The following MDGA2 variants were observed in gnomAD, a reference collection of about 807,000 sequenced individuals.
MDGA2 encodes the protein MAM domain containing glycosylphosphatidylinositol anchor 2.
Under a neutral mutation model 117.8 loss-of-function variants are expected in MDGA2, and 40 were observed. The observed-to-expected ratio is 0.34, with a 90% CI of 0.26 to 0.44. The LOEUF (loss-of-function observed/expected upper bound fraction) is 0.44. Among genes scored for constraint, MDGA2 ranks in the 20% least tolerant of loss-of-function variants. The pLI is 1.00. For missense variants in MDGA2, 1,123 were observed against 1,250.6 expected (o/e 0.90, Z 1.54); for synonymous variants, 452 against 439.0 (o/e 1.03, Z -0.37).
At chr14:47,329,419 A>G (rs1173925779) in intron 1 of MDGA2, among the ~76,000 whole-genome samples, 3 of 152,020 alleles carry the variant, frequency 2.0e-5, no homozygotes, top group Non-Finnish European at 4.4e-5. Context: ...TCTAATAGGG[A>G]GGGCCCAAGT....
chr14:46,935,601 A>C (rs534067530), intron 9 of MDGA2, among the ~76,000 whole-genome samples: 5 of 152,256 alleles, frequency 3.3e-5, no homozygotes, highest in African/African-American at 1.2e-4. Flanking sequence ...GGAATCCCCA[A>C]GAGATTTCTC....
At chr14:47,328,087 T>C (rs1306458237) in intron 1 of MDGA2, among the ~76,000 whole-genome samples, 1 of 152,188 alleles carries the variant, frequency 6.6e-6, no homozygotes, top group African/African-American at 2.4e-5. Context: ...CTTCCTATGA[T>C]AATCTTAACA....
intron 9 of MDGA2, among the ~76,000 whole-genome samples, chr14:46,921,124 C>A (rs984420412): frequency 1.3e-5 from 2 of 151,972 alleles, no homozygotes; most frequent in African/African-American, 4.8e-5. Context: ...TTAATGAGAA[C>A]CTATTCAATG....
chr14:47,493,398 C>G (rs948947556), intron 1 of MDGA2, among the ~76,000 whole-genome samples: 1 of 151,562 alleles, frequency 6.6e-6, no homozygotes, highest in African/African-American at 2.4e-5. Flanking sequence ...TCACTGCAAC[C>G]TTCGCCTCCC....
intron 2 of MDGA2, among the ~76,000 whole-genome samples, chr14:47,240,745 A>C (rs1887013024): frequency 1.3e-5 from 2 of 151,956 alleles, no homozygotes; most frequent in Non-Finnish European, 2.9e-5. Flanking sequence ...TTACCCAGAA[A>C]GGAAAATGTA....
At chr14:47,626,730 G>C (rs550027053) in intron 1 of MDGA2, among the ~76,000 whole-genome samples, 9 of 152,298 alleles carry the variant, frequency 5.9e-5, no homozygotes, top group East Asian at 1.9e-4. Flanking sequence ...ATTTCTCCCC[G>C]GCCCTTAGCT....
chr14:47,475,675 G>T (rs1158353055), intron 1 of MDGA2, among the ~76,000 whole-genome samples: 1 of 152,078 alleles, frequency 6.6e-6, no homozygotes, highest in East Asian at 1.9e-4. Context: ...ATCCTTTCAG[G>T]GACATAGATG....
intron 1 of MDGA2, among the ~76,000 whole-genome samples, chr14:47,650,909 G>A (rs1422235011): frequency 6.6e-6 from 1 of 152,070 alleles, no homozygotes; most frequent in African/African-American, 2.4e-5. Context: ...CTGCCACTAT[G>A]ACTGCTGTCA....
intron 9 of MDGA2, among the ~76,000 whole-genome samples, chr14:46,928,725 T>G (rs963841842): frequency 4.6e-5 from 7 of 152,160 alleles, no homozygotes; most frequent in African/African-American, 1.7e-4. Flanking sequence ...TTGTTATCTA[T>G]CTTTTAATAC....
chr14:47,634,558 G>T (rs1489395595), intron 1 of MDGA2, among the ~76,000 whole-genome samples: 1 of 151,902 alleles, frequency 6.6e-6, no homozygotes, highest in Non-Finnish European at 1.5e-5. Context: ...TGTAAATCTG[G>T]CCTCCAGTAA....
chr14:47,192,428 A>G (rs577234530), intron 3 of MDGA2, among the ~76,000 whole-genome samples: 3 of 152,238 alleles, frequency 2.0e-5, no homozygotes, highest in South Asian at 4.1e-4. Context: ...CAGCCTGGGC[A>G]ACATGGCAAA....
At chr14:47,366,806 G>A (rs10137341) in intron 1 of MDGA2, among the ~76,000 whole-genome samples, 28,873 of 149,186 alleles carry the variant, frequency 0.19, 2,948 homozygotes, top group Admixed American at 0.28. Context: ...TTCAAGTCAC[G>A]TAACAGTACT....
At chr14:47,433,037 T>C (rs1335642935) in intron 1 of MDGA2, among the ~76,000 whole-genome samples, 1 of 152,036 alleles carries the variant, frequency 6.6e-6, no homozygotes, top group East Asian at 1.9e-4. Context: ...TGTGGTCACA[T>C]GAGGAAGGCA....
chr14:46,965,366 C>G (rs1316944285), intron 8 of MDGA2, among the ~76,000 whole-genome samples: 2 of 152,122 alleles, frequency 1.3e-5, no homozygotes, highest in Non-Finnish European at 2.9e-5. Context: ...TCAGCCCATT[C>G]AATTTTCAAT....
intron 15 of MDGA2, among the ~76,000 whole-genome samples, chr14:46,850,563 TAA>T (rs1341033775): frequency 7.2e-5 from 11 of 151,918 alleles, no homozygotes; most frequent in African/African-American, 2.7e-4. Context: ...CTTCAGGATA[TAA>T]ATATATTTAA....
chr14:46,961,018 T>C (rs1885787414), intron 8 of MDGA2, among the ~76,000 whole-genome samples: 1 of 151,842 alleles, frequency 6.6e-6, no homozygotes. Flanking sequence ...GCTTTGTTCT[T>C]TCAGCGCATC....
rs555537195 is a variant in MDGA2, at chr14:47,423,868, G to C, written c.281-122318C>G. Among the ~76,000 whole-genome samples, 507 of 152,144 alleles carry C rather than the reference G, an allele frequency of 3.3e-3. 3 individuals are homozygous for C. The highest frequency in any genetic ancestry group is 0.012 in the African/African-American group (490 of 41,514). Reference sequence around the variant, plus strand: ...GTTCTGTCACCCAGGCTGAAGTGCAGTGGCATAATCTCGGCTCACTGCAAC... The same window carrying C: ...GTTCTGTCACCCAGGCTGAAGTGCACTGGCATAATCTCGGCTCACTGCAAC... On this transcript the variant is annotated intron_variant, in intron 1 of 16. Coordinates refer to ENST00000399232, the MANE Select transcript of MDGA2 (RefSeq NM_001113498.3).
intron 10 of MDGA2, among the ~76,000 whole-genome samples, chr14:46,885,153 T>A (rs1352967427): frequency 6.6e-6 from 1 of 152,024 alleles, no homozygotes; most frequent in African/African-American, 2.4e-5. Flanking sequence ...GGCCAATATA[T>A]TGCTTTCTTA....
intron 1 of MDGA2, among the ~76,000 whole-genome samples, chr14:47,423,212 T>C (rs925454123): frequency 1.3e-5 from 2 of 152,228 alleles, no homozygotes; most frequent in African/African-American, 2.4e-5. Flanking sequence ...TTGAAATTCA[T>C]TACTCTTCTT....
Sources: allele counts gnomAD v4.1 joint callset (sites outside exome capture counted in the v4.1 genomes callset), GRCh38; gene constraint gnomAD v4.1.1; transcripts MANE v1.5; gene names NCBI Gene and HGNC (gene_info 2026-07-23, HGNC 2026-07-21).